Variants in PRMT8 observed in about 807,000 individuals in gnomAD.
PRMT8 encodes the protein protein arginine methyltransferase 8, also known as protein arginine N-methyltransferase 8.
PRMT8 carries 7 observed loss-of-function variants against 47.1 expected under a neutral mutation model. That is an observed-to-expected ratio of 0.15 (90% CI 0.08 to 0.28). PRMT8 has a LOEUF of 0.28. PRMT8 is among the 10% of genes least tolerant of loss of function. The pLI, the probability that PRMT8 is intolerant of heterozygous loss-of-function variation, is 1.00. For missense variants in PRMT8, 237 were observed against 505.4 expected, an observed-to-expected ratio of 0.47 and a Z score of 5.09; for synonymous variants, 188 against 186.5, an observed-to-expected ratio of 1.01 and a Z score of -0.07.
chr12:3,397,159 T>C (rs998919260), intron 1 of PRMT8, among the ~76,000 whole-genome samples: 2 of 151,890 alleles, frequency 1.3e-5, no homozygotes, highest in African/African-American at 4.8e-5. Flanking sequence ...TTGGTTTGAA[T>C]GTCCTCCCAT....
In PRMT8 at chr12:3,453,083, A is replaced by G. The variant is rs953764229; in HGVS notation, c.48+71641A>G. 2.0e-5 allele frequency among the ~76,000 whole-genome samples: 3 copies of G among 152,258 alleles called. No individual in the cohort carries two copies. In the East Asian group the frequency reaches 5.8e-4, roughly 29 times the overall value. On this transcript the variant is annotated intron_variant, in intron 1 of 9. Transcript: ENST00000452611. The surrounding 1 kb of genome is among the most constrained non-coding windows in gnomAD (Gnocchi z 4.9). ...CACATGAAAGGAGATGAAATGAGGG[A>G]TGCACAGAGGACACTGCACGGGGAA... is the stretch of plus-strand genomic sequence containing the variant.
intron 1 of PRMT8, among the ~76,000 whole-genome samples, chr12:3,481,267 G>A (rs546945077): frequency 6.6e-6 from 1 of 152,186 alleles, no homozygotes; most frequent in African/African-American, 2.4e-5. Flanking sequence ...CCCTTGCATG[G>A]ATTGACCTTT....
chr12:3,521,451 G>A (rs1865880148), intron 1 of PRMT8, among the ~76,000 whole-genome samples: 2 of 152,298 alleles, frequency 1.3e-5, no homozygotes, highest in African/African-American at 4.8e-5. Context: ...GCAGGCACCT[G>A]TAATCCCAGC....
rs1866947704 is a variant in PRMT8 at position 3,576,543 on chromosome 12, G to A, written c.713-328G>A. Among the ~76,000 whole-genome samples the A allele has an allele frequency of 1.3e-5, 2 of 151,778 alleles. No individual in the cohort carries two copies. Among genetic ancestry groups the A allele is most frequent in the Admixed American group, 1.3e-4 (2 of 15,250 alleles). Reference sequence around the variant, plus strand: ...CGCTGCTGGCTTGGGGAGGGGACAGGAAGGAAGAGTCAGCTAGCCTGGGTT... The same window carrying A: ...CGCTGCTGGCTTGGGGAGGGGACAGAAAGGAAGAGTCAGCTAGCCTGGGTT... On this transcript the variant is annotated intron_variant, in intron 6 of 9. Transcript: ENST00000382622. This position sits in a 1 kb window ranked among gnomAD's most constrained non-coding sequence, Gnocchi z 4.0.
In PRMT8 at chr12:3,593,453, G is replaced by T. The variant is rs113486950; in HGVS notation, c.*271G>T. 3.7e-3 allele frequency: 1,690 copies of T among 456,530 alleles called. 21 individuals carry two copies. Among genetic ancestry groups the T allele is most frequent in the African/African-American group, 0.031 (1,541 of 49,494 alleles). 28.3% of individuals were successfully genotyped at this position (456,530 alleles called of 1,614,324 possible). On this transcript the variant is annotated 3_prime_UTR_variant, in exon 10 of 10. Transcript: ENST00000382622. This position sits in a 1 kb window ranked among gnomAD's most constrained non-coding sequence, Gnocchi z 4.8. ...GGCGTGCTGTGGCTGGGCCCCGAGG[G>T]TGGAAACGTATTCGCGTCTCCCCGT...
chr12:3,579,568 C>G (rs1028823909), intron 7 of PRMT8, among the ~76,000 whole-genome samples: 1 of 152,144 alleles, frequency 6.6e-6, no homozygotes, highest in Admixed American at 6.5e-5. Context: ...CCCTTTCTTC[C>G]TCTGTGTTCC....
At chr12:3,460,517 G>A (rs1393443916) in intron 1 of PRMT8, among the ~76,000 whole-genome samples, 1 of 152,164 alleles carries the variant, frequency 6.6e-6, no homozygotes, top group Non-Finnish European at 1.5e-5. Context: ...CTGTTCATAG[G>A]CAATGATGAA....
intron 1 of PRMT8, among the ~76,000 whole-genome samples, chr12:3,469,500 A>G (rs1187442607): frequency 6.6e-6 from 1 of 152,190 alleles, no homozygotes; most frequent in Non-Finnish European, 1.5e-5. Flanking sequence ...TTCCATTTCC[A>G]TGAAAATGTG....
intron 1 of PRMT8, among the ~76,000 whole-genome samples, chr12:3,528,086 A>G (rs1865973589): frequency 1.3e-5 from 2 of 151,890 alleles, no homozygotes; most frequent in African/African-American, 4.8e-5. Flanking sequence ...AAGATTTTCC[A>G]TTTATCAGTG....
At chr12:3,422,477 C>T (rs929013232) in intron 1 of PRMT8, among the ~76,000 whole-genome samples, 19 of 152,162 alleles carry the variant, frequency 1.2e-4, no homozygotes, top group African/African-American at 2.4e-4. Context: ...ATCCAAAAAC[C>T]GAGCTCCCCG....
chr12:3,394,792 G>C (rs1240702140), intron 1 of PRMT8, among the ~76,000 whole-genome samples: 6 of 151,730 alleles, frequency 4.0e-5, no homozygotes, highest in Non-Finnish European at 8.8e-5. Flanking sequence ...AATGGTACCA[G>C]TTCCTCCTTG....
At chr12:3,533,628 A>G (rs1866070359) in intron 1 of PRMT8, among the ~76,000 whole-genome samples, 2 of 152,096 alleles carry the variant, frequency 1.3e-5, no homozygotes, top group Non-Finnish European at 2.9e-5. Context: ...AGAGCTACCT[A>G]CCCTAGCACA....
rs1297239882 is a variant in PRMT8, at chr12:3,568,692, T to C, written c.482-14T>C. The C allele has an allele frequency of 6.2e-7, 1 of 1,613,612 alleles. No individual in the cohort carries two copies. The highest frequency in any genetic ancestry group is 1.1e-5 in the South Asian group (1 of 91,038). On this transcript the variant is annotated splice_polypyrimidine_tract_variant and intron_variant, in intron 4 of 9. Transcript: ENST00000382622. ...GTCCCTGCAAAGTATGGCCCTGGGG[T>C]TCTTATTTTCCAGTCATCACCATAT...
chr12:3,496,214 A>ATTTTTTTTTTTTTTTTTTTT (rs1555085718), intron 1 of PRMT8, among the ~76,000 whole-genome samples: 4 of 27,754 alleles, frequency 1.4e-4, no homozygotes, highest in Non-Finnish European at 2.4e-4. Flanking sequence ...ATATATATAT[A>ATTTTTTTTTTTTTTTTTTTT]TTTTTTTTTT....
intron 1 of PRMT8, among the ~76,000 whole-genome samples, chr12:3,444,509 C>T (rs1022005918): frequency 6.6e-6 from 1 of 152,218 alleles, no homozygotes; most frequent in Non-Finnish European, 1.5e-5. Context: ...AAACCTGACA[C>T]TCTGGTCATA....
intron 4 of PRMT8, among the ~76,000 whole-genome samples, chr12:3,565,386 C>T (rs185866233): frequency 6.6e-6 from 1 of 152,136 alleles, no homozygotes; most frequent in Non-Finnish European, 1.5e-5. Context: ...GCAGGTTGAG[C>T]ACAAAAGCAC....
rs1865043767 is a variant in PRMT8, at chr12:3,461,713, C to G, written c.49-78893C>G. Reference sequence around the variant, plus strand: ...TTCAGACAGAGAAGCAGGGGCCATTCGTTTATTTACTCTGCTCAGTGTTAA... The same window carrying G: ...TTCAGACAGAGAAGCAGGGGCCATTGGTTTATTTACTCTGCTCAGTGTTAA... On this transcript the variant is annotated intron_variant, in intron 1 of 9. Transcript: ENST00000452611. 3.4e-3 allele frequency among the ~76,000 whole-genome samples: 517 copies of G among 151,760 alleles called. 3 individuals carry two copies. Among genetic ancestry groups the G allele is most frequent in the African/African-American group, 0.012 (493 of 41,058 alleles).
chr12:3,549,841 AGGGTCACCTG>A, intron 2 of PRMT8, 85 bp from the exon 3 acceptor site: 1 of 1,441,788 alleles, frequency 6.9e-7, no homozygotes, highest in South Asian at 1.3e-5. Flanking sequence ...GGTCTCCTGA[AGGGTCACCTG>A]GGGTGGTCCA....
chr12:3,580,861 G>T lies in PRMT8; in HGVS notation c.829-2197G>T, dbSNP rs992658416. Among the ~76,000 whole-genome samples the T allele has an allele frequency of 2.6e-5, 4 of 152,190 alleles. No individual in the cohort carries two copies. The highest frequency in any genetic ancestry group is 5.9e-5 in the Non-Finnish European group (4 of 68,036). On this transcript the variant is annotated intron_variant, in intron 7 of 9. Transcript: ENST00000382622. The surrounding 1 kb of genome is among the most constrained non-coding windows in gnomAD (Gnocchi z 4.6). ...CATTAACAACAATACAGGCAACCAA[G>T]GCTTGTCCGAAGAGTTTTTGAGCTG... is the stretch of plus-strand genomic sequence containing the variant.
Sources: allele counts gnomAD v4.1 joint callset (sites outside exome capture counted in the v4.1 genomes callset), GRCh38; gene constraint gnomAD v4.1.1; non-coding constraint Gnocchi (gnomAD v3.1); transcripts MANE v1.5; gene names NCBI Gene and HGNC (gene_info 2026-07-23, HGNC 2026-07-21).